The following FOXRED2 variants were observed in gnomAD, a reference collection of about 807,000 sequenced individuals.
FOXRED2 encodes the protein FAD-dependent oxidoreductase domain-containing protein 2.
Under a neutral mutation model 52.5 loss-of-function variants are expected in FOXRED2, and 32 were observed. The observed-to-expected ratio is 0.61, with a 90% CI of 0.46 to 0.82. The LOEUF is 0.82. Among genes scored for constraint, FOXRED2 ranks in the 40% least tolerant of loss-of-function variants. The pLI, the probability that FOXRED2 is intolerant of heterozygous loss-of-function variation, is 0.00. For synonymous variants in FOXRED2, 405 were observed against 398.1 expected, an observed-to-expected ratio of 1.02 and a Z score of -0.21; for missense variants, 848 against 937.5, an observed-to-expected ratio of 0.90 and a Z score of 1.25.
In FOXRED2 at chr22:36,489,921, G is replaced by A; in HGVS notation, c.*87C>T. 7.5e-7 allele frequency: 1 copy of A among 1,340,124 alleles called. No homozygotes were observed. Among genetic ancestry groups the A allele is most frequent in the South Asian group, 1.5e-5 (1 of 66,560 alleles). 83.0% of individuals were successfully genotyped at this position (1,340,124 alleles called of 1,614,324 possible). On this transcript the variant is annotated 3_prime_UTR_variant, in exon 9 of 9. Coordinates refer to ENST00000397224, the MANE Select transcript of FOXRED2 (RefSeq NM_001102371.2). ...GTCTTTGGCAATCACGCATTGGCGG[G>A]AGTGTGAGGTTGCGGGGAAAGAGGG...
chr22:36,502,761 C>T (rs1934090356), intron 4 of FOXRED2, among the ~76,000 whole-genome samples: 2 of 152,242 alleles, frequency 1.3e-5, no homozygotes, highest in Middle Eastern at 3.4e-3. Flanking sequence ...GGCGCGATCT[C>T]GGCTCACTGC....
chr22:36,490,222 A>G lies in FOXRED2; in HGVS notation c.1841T>C (p.Phe614Ser), dbSNP rs746549755. The G allele has an allele frequency of 6.2e-7, 1 of 1,613,454 alleles. No individual in the cohort carries two copies. The highest frequency in any genetic ancestry group is 8.5e-7 in the Non-Finnish European group (1 of 1,179,544). Residue 614 changes from phenylalanine to serine, a missense_variant, in exon 9 of 9, where the codon TTT (phenylalanine) becomes TCT (serine). Transcript: ENST00000397224. Reference sequence around the variant, plus strand: ...CATCCTCAGGTACCCCTGCTGGCAAAAGGGTGGCAACTTCTGGCGCGTGAG... The same window carrying G: ...CATCCTCAGGTACCCCTGCTGGCAAGAGGGTGGCAACTTCTGGCGCGTGAG... ...FALTRQKLPP[F>S]CQQGYLRMQG...
intron 7 of FOXRED2, among the ~76,000 whole-genome samples, chr22:36,495,416 C>T (rs1933870537): frequency 6.6e-6 from 1 of 152,180 alleles, no homozygotes; most frequent in Non-Finnish European, 1.5e-5. Flanking sequence ...AGGTTGTTCA[C>T]TTATTGGTAG....
At position 36,501,313 on chromosome 22, in the gene FOXRED2, G is replaced by A; in HGVS notation, c.1144C>T (p.Leu382=). 6.2e-7 allele frequency: 1 copy of A among 1,614,166 alleles called. No homozygotes were observed. ...ESKGSRGLFI[L]GTASHSVDYR... is the part of the protein sequence containing the mutation. ...TCCACCGAGTGGCTGGCAGTACCCA[G>A]GATAAACAGACCCCGGCTTCCTTTG... The change falls in exon 5 of 9, where the codon CTG becomes TTG. Residue 382 remains leucine (L), a synonymous_variant. Transcript: ENST00000397224.
intron 1 of FOXRED2, chr22:36,506,634 C>CAGGGTCTCCTT (rs1568994692): frequency 2.1e-6 from 1 of 480,166 alleles, no homozygotes; most frequent in African/African-American, 2.0e-5. Flanking sequence ...CATCTTATCT[C>CAGGGTCTCCTT]CCTCAGGGTC....
intron 4 of FOXRED2, among the ~76,000 whole-genome samples, chr22:36,503,788 G>C (rs1409202004): frequency 1.3e-5 from 2 of 152,220 alleles, no homozygotes; most frequent in Non-Finnish European, 2.9e-5. Flanking sequence ...CAGCCACTAC[G>C]CTATATTGCC....
chr22:36,506,680 T>G (rs1568994729), intron 1 of FOXRED2: 10 of 435,684 alleles, frequency 2.3e-5, no homozygotes, highest in Non-Finnish European at 2.0e-5. Flanking sequence ...CGCTTATGAT[T>G]GTAGTAACCT....
chr22:36,501,491 G>A (rs979231131), intron 4 of FOXRED2, 84 bp from the exon 5 acceptor site: 17 of 1,382,922 alleles, frequency 1.2e-5, no homozygotes, highest in African/African-American at 1.0e-4. Context: ...ATGGAGTTTC[G>A]CTCTTGTCGC....
At position 36,493,628 on chromosome 22, in the gene FOXRED2, G is replaced by C; in HGVS notation, c.1795+5C>G. 6.2e-7 allele frequency: 1 copy of C among 1,612,946 alleles called. No individual in the cohort carries two copies. Among genetic ancestry groups the C allele is most frequent in the Non-Finnish European group, 8.5e-7 (1 of 1,179,184 alleles). On this transcript the variant is annotated splice_donor_5th_base_variant and intron_variant, in intron 8 of 8. Transcript: ENST00000397224. ...ACCCTTTGTCTTTCTGGGAGCTTAA[G>C]TTACCTGCATAGAAGCTTCGCAAAT...
intron 7 of FOXRED2, 33 bp from the exon 8 acceptor site, chr22:36,493,836 CTG>C: frequency 6.2e-7 from 1 of 1,603,476 alleles, no homozygotes; most frequent in Non-Finnish European, 8.5e-7. Flanking sequence ...CATGTCAGAG[CTG>C]TGAGGCTGGG....
chr22:36,491,148 ACT>A (rs775100272), intron 8 of FOXRED2, among the ~76,000 whole-genome samples: 7 of 151,386 alleles, frequency 4.6e-5, no homozygotes, highest in Non-Finnish European at 1.0e-4. Flanking sequence ...GGTGACAGAG[ACT>A]CTGTCTCGAA....
intron 6 of FOXRED2, 74 bp from the exon 7 acceptor site, chr22:36,496,282 T>C: frequency 1.3e-6 from 2 of 1,574,374 alleles, no homozygotes; most frequent in Non-Finnish European, 1.7e-6. Context: ...GGGGTGAGCA[T>C]GTGTGTGTGC....
chr22:36,500,621 T>C (rs985710541), intron 5 of FOXRED2, among the ~76,000 whole-genome samples: 2 of 150,924 alleles, frequency 1.3e-5, no homozygotes, highest in Admixed American at 6.6e-5. Context: ...TTTGCTCTTG[T>C]TGCCCAGGCT....
At chr22:36,501,485 A>T (rs988434516) in intron 4 of FOXRED2, 78 bp from the exon 5 acceptor site, 3 of 1,449,908 alleles carry the variant, frequency 2.1e-6, no homozygotes, top group Admixed American at 1.8e-5. Context: ...TTTGAGATGG[A>T]GTTTCGCTCT....
intron 6 of FOXRED2, 24 bp downstream of exon 6, chr22:36,497,967 G>A (rs1428195034): frequency 1.9e-5 from 30 of 1,606,616 alleles, no homozygotes; most frequent in Non-Finnish European, 2.5e-5. Flanking sequence ...GCCGAGGGGA[G>A]TAGGGTGGGG....
Position 36,501,348 on chromosome 22 carries a change from C to G in FOXRED2, c.1109G>C (p.Ser370Thr). Residue 370 changes from serine to threonine, a missense_variant, in exon 5 of 9, where the codon AGC (serine) becomes ACC (threonine). Coordinates refer to ENST00000397224, the MANE Select transcript of FOXRED2 (RefSeq NM_001102371.2). ...FGKKYPLIRA[S>T]YESKGSRGLF... Reference sequence around the variant, plus strand: ...ACCCCGGCTTCCTTTGGATTCGTAGCTAGCTCGAATCAGCGGGTACTTCTT... The same window carrying G: ...ACCCCGGCTTCCTTTGGATTCGTAGGTAGCTCGAATCAGCGGGTACTTCTT... 6.2e-7 allele frequency: 1 copy of G among 1,614,172 alleles called. No homozygotes were observed. The highest frequency in any genetic ancestry group is 8.5e-7 in the Non-Finnish European group (1 of 1,180,036).
chr22:36,502,952 A>G (rs1934094537), intron 4 of FOXRED2, among the ~76,000 whole-genome samples: 1 of 151,324 alleles, frequency 6.6e-6, no homozygotes, highest in South Asian at 2.1e-4. Flanking sequence ...TCAGCCTCCC[A>G]AAGTGCTGGG....
In FOXRED2 at chr22:36,501,662, C is replaced by T. The variant is rs547970263; in HGVS notation, c.1050-255G>A. The stretch of plus-strand genomic sequence containing the variant: ...TTTTAGTAGAGACCAGGTTTCACCA[C>T]GTTAGCCAGCCTGGTCTCGATGTCC... On this transcript the variant is annotated intron_variant, in intron 4 of 8. Transcript: ENST00000397224. 9.2e-5 allele frequency among the ~76,000 whole-genome samples: 14 copies of T among 152,070 alleles called. No individual in the cohort carries two copies. In the East Asian group the frequency reaches 1.6e-3, roughly 17 times the overall value.
chr22:36,506,287 C>T lies in FOXRED2; in HGVS notation c.136G>A (p.Ala46Thr), dbSNP rs1191848711. ...CGTCCAGCGCGCTGCAGGAAGTAGG[C>T]CATCTGCAGGCCCGCGGGCCCAGCG... ...LGAGPAGLQM[A>T]YFLQRAGRDY... Residue 46 changes from alanine to threonine, a missense_variant, in exon 2 of 9, where the codon GCC becomes ACC. Physicochemically the swap from Ala to Thr is moderately conservative, Grantham distance 58. Transcript: ENST00000397224. 21 of 1,595,688 alleles carry T rather than the reference C, an allele frequency of 1.3e-5. No homozygotes were observed. The highest frequency in any genetic ancestry group is 1.7e-5 in the Non-Finnish European group (20 of 1,171,208).
Sources: allele counts gnomAD v4.1 joint callset (sites outside exome capture counted in the v4.1 genomes callset), GRCh38; gene constraint gnomAD v4.1.1; transcripts MANE v1.5; gene names NCBI Gene and HGNC (gene_info 2026-07-23, HGNC 2026-07-21).